CFAP46: variants seen among roughly 807,000 people sequenced by gnomAD.
CFAP46 encodes the protein cilia and flagella associated protein 46.
Under a neutral mutation model 325.7 loss-of-function variants are expected in CFAP46, and 245 were observed. That is an observed-to-expected ratio of 0.75 (90% CI 0.68 to 0.84). CFAP46 has a LOEUF of 0.84. Among genes scored for constraint, CFAP46 ranks in the 40% least tolerant of loss-of-function variants. CFAP46 has a pLI of 0.00. For synonymous variants in CFAP46, 1,523 were observed against 1,495.9 expected (o/e 1.02, Z -0.42); for missense variants, 3,346 against 3,543.0 (o/e 0.94, Z 1.41).
intron 22 of CFAP46, among the ~76,000 whole-genome samples, chr10:132,907,864 C>T (rs554014524): frequency 1.2e-4 from 19 of 152,318 alleles, no homozygotes; most frequent in African/African-American, 3.8e-4. Context: ...CAGCGGGAGG[C>T]GCCGTCTGTG....
chr10:132,857,479 T>C lies in CFAP46; in HGVS notation c.5574+111A>G, dbSNP rs1848658613. On this transcript the variant is annotated intron_variant, in intron 39 of 57. Coordinates refer to ENST00000368586, the MANE Select transcript of CFAP46 (RefSeq NM_001200049.3). ...ATGGGGGAGTATCTGATCCCTGTTA[T>C]TCCATTTCAGCTAGAAGCAGAAGTC... 4 of 1,069,300 alleles carry C rather than the reference T, an allele frequency of 3.7e-6. No homozygotes were observed. In the South Asian group the frequency reaches 4.5e-5, roughly 12 times the overall value. 66.2% of individuals were successfully genotyped at this position (1,069,300 alleles called of 1,614,324 possible). A position where few individuals can be genotyped will look rare whatever the true frequency, so the allele number is the denominator to read the frequency against.
In CFAP46 at chr10:132,921,109, G is replaced by A. The variant is rs141429969; in HGVS notation, c.1607-927C>T. On this transcript the variant is annotated intron_variant, in intron 13 of 57. Transcript: ENST00000368586. ...CCACCCTGCGTCTGCCCATCTCCTCGTCTCAGACCCGAGACATGACCCAGC... is the reference window on the plus strand; with the variant it reads ...CCACCCTGCGTCTGCCCATCTCCTCATCTCAGACCCGAGACATGACCCAGC... Among the ~76,000 whole-genome samples, 499 of 152,272 alleles carry A rather than the reference G, an allele frequency of 3.3e-3. 2 individuals are homozygous for A. Among genetic ancestry groups the A allele is most frequent in the African/African-American group, 0.011 (463 of 41,558 alleles).
intron 19 of CFAP46, among the ~76,000 whole-genome samples, chr10:132,910,619 C>A (rs1473055309): frequency 2.0e-5 from 3 of 152,318 alleles, no homozygotes; most frequent in African/African-American, 7.2e-5. Context: ...TCGTGAGGAT[C>A]GGTGAGTCCT....
rs777613590 is a variant in CFAP46, at chr10:132,929,442, T to G, written c.966+263A>C. On this transcript the variant is annotated intron_variant, in intron 9 of 57. Transcript: ENST00000368586. ...GCATCATGAAATTTTACGCCGTCCGTAAATTGGACTCTAGAAACAACTGTG... is the reference window on the plus strand; with the variant it reads ...GCATCATGAAATTTTACGCCGTCCGGAAATTGGACTCTAGAAACAACTGTG... 3.5e-5 allele frequency: 25 copies of G among 712,324 alleles called. No individual in the cohort carries two copies. The African/African-American group carries it at 4.0e-4, about 11-fold the overall frequency. The allele number at this position is 712,324 out of a possible 1,614,324, so 44.1% of individuals were successfully genotyped here. A position where few individuals can be genotyped will look rare whatever the true frequency, so the allele number is the denominator to read the frequency against.
At chr10:132,863,098 C>T (rs1431801559) in intron 35 of CFAP46, among the ~76,000 whole-genome samples, 1 of 152,156 alleles carries the variant, frequency 6.6e-6, no homozygotes, top group East Asian at 1.9e-4. Context: ...CCCATCACGT[C>T]TGTCCTGGGT....
chr10:132,816,122 T>C (rs140665453), intron 50 of CFAP46, among the ~76,000 whole-genome samples: 3,572 of 152,274 alleles, frequency 0.023, 51 homozygotes, highest in South Asian at 0.045. Context: ...TTGTCCTTGC[T>C]GCCCAGGGGT....
chr10:132,901,037 G>T (rs186376044), intron 22 of CFAP46, among the ~76,000 whole-genome samples: 1 of 152,226 alleles, frequency 6.6e-6, no homozygotes, highest in Non-Finnish European at 1.5e-5. Context: ...CCGGACACCA[G>T]CTTTCTTGTG....
Position 132,814,750 on chromosome 10 carries a change from C to T in CFAP46, c.7189-4G>A. 1 of 1,613,734 alleles carries T rather than the reference C, an allele frequency of 6.2e-7. No homozygotes were observed. Among genetic ancestry groups the T allele is most frequent in the South Asian group, 1.1e-5 (1 of 91,060 alleles). On this transcript the variant is annotated splice_polypyrimidine_tract_variant and splice_region_variant and intron_variant, in intron 51 of 57. Coordinates refer to ENST00000368586, the MANE Select transcript of CFAP46 (RefSeq NM_001200049.3). ...GGATGGTCCGGGGGATGCTGCCCTG[C>T]AACCACAGACCAGGGTCAGCAGGTG...
intron 28 of CFAP46, among the ~76,000 whole-genome samples, chr10:132,880,650 C>T (rs542904384): frequency 3.7e-4 from 23 of 62,354 alleles, no homozygotes; most frequent in African/African-American, 1.5e-3. Context: ...CAGAGGACAG[C>T]ACTGAGACAC....
chr10:132,831,150 T>C (rs1848140522), intron 50 of CFAP46, among the ~76,000 whole-genome samples: 1 of 152,138 alleles, frequency 6.6e-6, no homozygotes, highest in Non-Finnish European at 1.5e-5. Flanking sequence ...CTACTGTGGG[T>C]AATTTGGACC....
At chr10:132,941,512 C>G in intron 3 of CFAP46, 79 bp downstream of exon 3, 1 of 1,526,074 alleles carries the variant, frequency 6.6e-7, no homozygotes, top group Non-Finnish European at 8.8e-7. Context: ...CGATTTTAAG[C>G]CTGGTCTAGC....
chr10:132,851,089 A>T (rs373262862), intron 40 of CFAP46, 28 bp downstream of exon 40: 1 of 1,612,086 alleles, frequency 6.2e-7, no homozygotes, highest in Admixed American at 1.7e-5. Flanking sequence ...CGCTCCCTCC[A>T]CCGGGAATCT....
chr10:132,808,442 G>A lies in CFAP46; in HGVS notation c.8127C>T (p.Thr2709=), dbSNP rs373462590. The A allele has an allele frequency of 3.2e-5, 51 of 1,608,038 alleles. No individual in the cohort carries two copies. The highest frequency in any genetic ancestry group is 1.6e-4 in the African/African-American group (12 of 74,798). Residue 2709 remains threonine, a synonymous_variant, in exon 58 of 58, where the codon ACC becomes ACT. Coordinates refer to ENST00000368586, the MANE Select transcript of CFAP46 (RefSeq NM_001200049.3). The surrounding 1 kb of genome is among the most constrained non-coding windows in gnomAD (Gnocchi z 6.8). ...LSCLDQKTIQ[T]VSLFLI ...ACACTCAAATCAAAAACAGGCTCACGGTCTGAATAGTCTTCTGGTCTAAGC... is the reference window on the plus strand; with the variant it reads ...ACACTCAAATCAAAAACAGGCTCACAGTCTGAATAGTCTTCTGGTCTAAGC...
intron 47 of CFAP46, 69 bp downstream of exon 47, chr10:132,835,235 G>C: frequency 6.3e-7 from 1 of 1,576,270 alleles, no homozygotes. Context: ...CACCTCGCCA[G>C]GGTCCTGGCT....
Position 132,898,852 on chromosome 10 carries a change from G to A in CFAP46, c.3219+107C>T, listed in dbSNP as rs774306195. 3.0e-5 allele frequency: 42 copies of A among 1,404,392 alleles called. No homozygotes were observed. In the South Asian group the frequency reaches 4.8e-4, roughly 16 times the overall value. The allele number at this position is 1,404,392 out of a possible 1,614,324, so 87.0% of individuals were successfully genotyped here. The stretch of plus-strand genomic sequence containing the variant: ...CTCGGCTGGTGCTGGTGCACCCTCT[G>A]GGAGGCCTGTGGGGTCTGTCTTTCT... On this transcript the variant is annotated intron_variant, in intron 24 of 57. Transcript: ENST00000368586.
intron 6 of CFAP46, 82 bp from the exon 7 acceptor site, chr10:132,937,137 C>A: frequency 1.2e-6 from 1 of 817,894 alleles, no homozygotes. Flanking sequence ...ATTTTATTTT[C>A]TCATTAATTT....
At chr10:132,843,980 T>TCCTAGCTGCA (rs1336825296) in intron 44 of CFAP46, among the ~76,000 whole-genome samples, 1 of 127,440 alleles carries the variant, frequency 7.8e-6, no homozygotes, top group African/African-American at 3.1e-5. Flanking sequence ...TGTGGGGCTC[T>TCCTAGCTGCA]GGTCTCAGTG....
rs985373042 is a variant in CFAP46 at position 132,856,140 on chromosome 10, A to G, written c.5574+1450T>C. Among the ~76,000 whole-genome samples the G allele has an allele frequency of 5.9e-5, 9 of 152,238 alleles. No individual in the cohort carries two copies. In the East Asian group the frequency reaches 1.7e-3, roughly 29 times the overall value. On this transcript the variant is annotated intron_variant, in intron 39 of 57. Transcript: ENST00000368586. ...GGCAGTGTTTCCTCTCGGCCTTCACAGAGGTCCCTGCGCTGGGCTCTCAGC... is the reference window on the plus strand; with the variant it reads ...GGCAGTGTTTCCTCTCGGCCTTCACGGAGGTCCCTGCGCTGGGCTCTCAGC...
chr10:132,814,024 C>T (rs1591028455), intron 54 of CFAP46, 128 bp downstream of exon 54: 2 of 690,736 alleles, frequency 2.9e-6, no homozygotes, highest in African/African-American at 3.5e-5. Context: ...TCTGTCTCAG[C>T]ATTGCATGCT....
Sources: allele counts gnomAD v4.1 joint callset (sites outside exome capture counted in the v4.1 genomes callset), GRCh38; gene constraint gnomAD v4.1.1; non-coding constraint Gnocchi (gnomAD v3.1); transcripts MANE v1.5; gene names NCBI Gene and HGNC (gene_info 2026-07-23, HGNC 2026-07-21).